Variants in CADPS observed in about 807,000 individuals in gnomAD.
The protein encoded by CADPS is calcium dependent secretion activator.
CADPS carries 57 observed loss-of-function variants against 167.3 expected under a neutral mutation model. The ratio of observed to expected loss-of-function variants is 0.34; its 90% CI spans 0.28 to 0.42. CADPS has a LOEUF of 0.42. CADPS is among the 20% of genes least tolerant of loss of function. CADPS has a pLI of 1.00. For synonymous variants in CADPS, 676 were observed against 635.3 expected, an observed-to-expected ratio of 1.06 and a Z score of -0.96; for missense variants, 1,414 against 1,738.1, an observed-to-expected ratio of 0.81 and a Z score of 3.32.
intron 11 of CADPS, among the ~76,000 whole-genome samples, chr3:62,548,340 G>T (rs1227836983): frequency 1.3e-5 from 2 of 152,104 alleles, no homozygotes; most frequent in East Asian, 3.9e-4. Flanking sequence ...GAGAATACAA[G>T]AGTGGAGAAC....
chr3:62,772,597 GT>G (rs745952140), intron 1 of CADPS, among the ~76,000 whole-genome samples: 2 of 151,998 alleles, frequency 1.3e-5, no homozygotes, highest in South Asian at 4.1e-4. Flanking sequence ...CCCATCTCTG[GT>G]TTTTTCATTA....
At position 62,651,459 on chromosome 3, in the gene CADPS, T is replaced by C. The variant is rs112699802; in HGVS notation, c.970-379A>G. On this transcript the variant is annotated intron_variant, in intron 4 of 29. Coordinates refer to ENST00000383710, the MANE Select transcript of CADPS (RefSeq NM_003716.4). ...TTAGTAAAATGCAGTCATTTGTTTTTAAGTGAGGGAAACAGAAAGAGACCC... is the reference window on the plus strand; with the variant it reads ...TTAGTAAAATGCAGTCATTTGTTTTCAAGTGAGGGAAACAGAAAGAGACCC... Among the ~76,000 whole-genome samples the C allele has an allele frequency of 2.8e-3, 420 of 152,298 alleles. 1 individual carries two copies. Among genetic ancestry groups the C allele is most frequent in the African/African-American group, 9.5e-3 (397 of 41,572 alleles).
chr3:62,490,415 GTC>G (rs1185406608), intron 21 of CADPS, among the ~76,000 whole-genome samples: 1 of 152,158 alleles, frequency 6.6e-6, no homozygotes, highest in Non-Finnish European at 1.5e-5. Flanking sequence ...CCATATAGGA[GTC>G]TCTATTTTTT....
At chr3:62,470,916 G>A (rs1471743540) in intron 24 of CADPS, among the ~76,000 whole-genome samples, 1 of 152,052 alleles carries the variant, frequency 6.6e-6, no homozygotes, top group Non-Finnish European at 1.5e-5. Context: ...AAATTATGTT[G>A]AGTCACATGG....
intron 5 of CADPS, among the ~76,000 whole-genome samples, chr3:62,646,514 C>T (rs2068627473): frequency 6.6e-6 from 1 of 152,156 alleles, no homozygotes; most frequent in African/African-American, 2.4e-5. Context: ...TTTGGTTCAG[C>T]ACTTTAAAGA....
chr3:62,816,887 G>T (rs557396408), intron 1 of CADPS, among the ~76,000 whole-genome samples: 2 of 152,114 alleles, frequency 1.3e-5, no homozygotes, highest in Admixed American at 6.6e-5. Flanking sequence ...CAGAAGCTAC[G>T]CTGAAGCCCA....
intron 1 of CADPS, among the ~76,000 whole-genome samples, chr3:62,799,812 A>G (rs2093659438): frequency 6.6e-6 from 1 of 152,122 alleles, no homozygotes; most frequent in African/African-American, 2.4e-5. Context: ...CACCACCATC[A>G]CAGTTGGAAA....
intron 26 of CADPS, among the ~76,000 whole-genome samples, chr3:62,462,348 C>T (rs573875960): frequency 2.3e-3 from 354 of 152,370 alleles, no homozygotes; most frequent in South Asian, 4.6e-3. Context: ...CTCCTCCCTC[C>T]AGCTCCTCTC....
At chr3:62,846,310 C>A (rs937051654) in intron 1 of CADPS, among the ~76,000 whole-genome samples, 2 of 152,160 alleles carry the variant, frequency 1.3e-5, no homozygotes, top group Non-Finnish European at 2.9e-5. Flanking sequence ...GGGAAGACTA[C>A]TCCATAAGCA....
At chr3:62,444,443 C>T (rs1367014035) in intron 27 of CADPS, among the ~76,000 whole-genome samples, 1 of 152,216 alleles carries the variant, frequency 6.6e-6, no homozygotes, top group Non-Finnish European at 1.5e-5. Context: ...TTATCGTCAT[C>T]TCCATTTTAA....
At position 62,471,124 on chromosome 3, in the gene CADPS, G is replaced by A. The variant is rs576205331; in HGVS notation, c.3477+3049C>T. On this transcript the variant is annotated intron_variant, in intron 24 of 29. Coordinates refer to ENST00000383710, the MANE Select transcript of CADPS (RefSeq NM_003716.4). ...CCAAAGGTTGTGTGTTGCATGCTAT[G>A]TTCTTCATTCAGCAAATGATGACAC... Among the ~76,000 whole-genome samples, 3 of 152,258 alleles carry A rather than the reference G, an allele frequency of 2.0e-5. No homozygotes were observed. The East Asian group carries it at 5.8e-4, about 29-fold the overall frequency.
At chr3:62,746,836 C>T (rs989162663) in intron 3 of CADPS, among the ~76,000 whole-genome samples, 6 of 152,174 alleles carry the variant, frequency 3.9e-5, no homozygotes, top group African/African-American at 1.4e-4. Flanking sequence ...TTAATTCCAG[C>T]TTTGTGAGAC....
At chr3:62,533,750 T>C (rs1269580508) in intron 12 of CADPS, among the ~76,000 whole-genome samples, 1 of 152,034 alleles carries the variant, frequency 6.6e-6, no homozygotes, top group African/African-American at 2.4e-5. Flanking sequence ...AGAGTGTTTT[T>C]TAAATTTTTC....
At chr3:62,683,173 A>C (rs560014548) in intron 3 of CADPS, among the ~76,000 whole-genome samples, 2 of 152,030 alleles carry the variant, frequency 1.3e-5, no homozygotes, top group Non-Finnish European at 1.5e-5. Context: ...CTCTATGAAC[A>C]TGCTAGAAGC....
Position 62,508,634 on chromosome 3 carries a change from C to T in CADPS, c.2599+4117G>A, listed in dbSNP as rs1281494023. Among the ~76,000 whole-genome samples, 7 of 152,128 alleles carry T rather than the reference C, an allele frequency of 4.6e-5. 1 individual carries two copies. Among genetic ancestry groups the T allele is most frequent in the African/African-American group, 1.2e-4 (5 of 41,514 alleles). ...ATGTCACAATACAGTATATGAATGGCGCAGCTTATAATTGATGGCCCTTTA... is the reference window on the plus strand; with the variant it reads ...ATGTCACAATACAGTATATGAATGGTGCAGCTTATAATTGATGGCCCTTTA... On this transcript the variant is annotated intron_variant, in intron 17 of 29. Coordinates refer to ENST00000383710, the MANE Select transcript of CADPS (RefSeq NM_003716.4).
chr3:62,719,413 C>T (rs1318470674), intron 3 of CADPS, among the ~76,000 whole-genome samples: 1 of 152,212 alleles, frequency 6.6e-6, no homozygotes, highest in East Asian at 1.9e-4. Context: ...CCCCTGACCC[C>T]ACAGACTATA....
intron 3 of CADPS, among the ~76,000 whole-genome samples, chr3:62,687,935 G>T (rs1051736097): frequency 6.6e-6 from 1 of 151,902 alleles, no homozygotes; most frequent in Non-Finnish European, 1.5e-5. Flanking sequence ...ACCCAGAAAG[G>T]TAAAGAAAAA....
chr3:62,593,372 G>A (rs1157101801), intron 6 of CADPS, among the ~76,000 whole-genome samples: 1 of 152,220 alleles, frequency 6.6e-6, no homozygotes, highest in Non-Finnish European at 1.5e-5. Flanking sequence ...ACACACGGGA[G>A]CCTGGCTTAC....
intron 22 of CADPS, 36 bp downstream of exon 22, chr3:62,481,687 A>C (rs1225664354): frequency 6.5e-7 from 1 of 1,537,202 alleles, no homozygotes; most frequent in African/African-American, 1.4e-5. Context: ...AGATCACTTA[A>C]ATTTAAATGA....
Sources: gnomAD v4.1 joint callset for allele counts (sites outside exome capture counted in the v4.1 genomes callset) on GRCh38, gnomAD v4.1.1 for gene constraint, MANE v1.5 for transcripts, NCBI Gene and HGNC (gene_info 2026-07-23, HGNC 2026-07-21) for gene names.